METTL4: variants seen among roughly 807,000 people sequenced by gnomAD.
METTL4 encodes N(6)-adenine-specific methyltransferase METTL4.
In METTL4, 40 loss-of-function variants were observed where a neutral mutation model predicts 54.0. That is an observed-to-expected ratio of 0.74 (90% CI 0.58 to 0.96). METTL4 has a LOEUF of 0.96. Ranked by LOEUF, METTL4 falls within the 50% of genes least tolerant of loss-of-function variation. METTL4 has a pLI of 0.00. For missense variants in METTL4, 525 were observed against 549.0 expected (o/e 0.96, Z 0.44); for synonymous variants, 169 against 183.8 (o/e 0.92, Z 0.65).
intron 1 of METTL4, among the ~76,000 whole-genome samples, chr18:2,570,705 A>C (rs938683174): frequency 6.6e-6 from 1 of 152,154 alleles, no homozygotes; most frequent in African/African-American, 2.4e-5. Flanking sequence ...GAGAGCTAGA[A>C]ATTCAGACGG....
chr18:2,559,321 C>A (rs2072281640), intron 3 of METTL4, among the ~76,000 whole-genome samples: 1 of 152,028 alleles, frequency 6.6e-6, no homozygotes, highest in Non-Finnish European at 1.5e-5. Flanking sequence ...CATGGATGAA[C>A]CTTGAAGACA....
intron 5 of METTL4, 53 bp downstream of exon 5, chr18:2,552,642 T>G (rs2072179195): frequency 6.1e-6 from 7 of 1,143,860 alleles, no homozygotes; most frequent in Non-Finnish European, 9.1e-6. Flanking sequence ...TAAACTATAA[T>G]GTACAAAGGA....
At chr18:2,560,801 C>A (rs948101022) in intron 3 of METTL4, among the ~76,000 whole-genome samples, 1 of 152,040 alleles carries the variant, frequency 6.6e-6, no homozygotes, top group African/African-American at 2.4e-5. Flanking sequence ...ATGGCATGAA[C>A]CCAGGAGGCA....
chr18:2,569,521 T>TA (rs1194009229), intron 1 of METTL4, among the ~76,000 whole-genome samples: 9 of 140,562 alleles, frequency 6.4e-5, no homozygotes. Flanking sequence ...AACAGCCCTC[T>TA]AGCCTGGGAG....
At chr18:2,540,795 C>T in intron 8 of METTL4, 1 of 985,400 alleles carries the variant, frequency 1.0e-6, no homozygotes. Flanking sequence ...TCAGGTTACG[C>T]TGAAGAAAGG....
At chr18:2,540,176 C>G in intron 8 of METTL4, 1 of 985,170 alleles carries the variant, frequency 1.0e-6, no homozygotes. Context: ...AAAAGAAGAA[C>G]ACAGAAACTT....
chr18:2,567,729 G>C (rs1249486758), intron 1 of METTL4, 75 bp from the exon 2 acceptor site: 2 of 152,264 alleles, frequency 1.3e-5, no homozygotes, highest in Non-Finnish European at 2.9e-5. Context: ...CTAGAGAGGG[G>C]CATAGAATTT....
At position 2,537,765 on chromosome 18, in the gene METTL4, T is replaced by C; in HGVS notation, c.*1235A>G. ...TAAATATTTGTCAACAATCTGTAAA[T>C]AGTATAAATGCTTTTCTCAAAATGC... On this transcript the variant is annotated 3_prime_UTR_variant, in exon 9 of 9. Coordinates refer to ENST00000574538, the MANE Select transcript of METTL4 (RefSeq NM_022840.5). 2.5e-6 allele frequency: 1 copy of C among 397,660 alleles called. No homozygotes were observed. The allele number at this position is 397,660 out of a possible 1,614,324, so 24.6% of individuals were successfully genotyped here.
chr18:2,558,139 T>C (rs2072265106), intron 3 of METTL4, among the ~76,000 whole-genome samples: 1 of 152,280 alleles, frequency 6.6e-6, no homozygotes, highest in African/African-American at 2.4e-5. Context: ...TAACAATTTT[T>C]GGAAAGAATA....
chr18:2,561,192 T>C (rs1458686781), intron 3 of METTL4: 1 of 152,210 alleles, frequency 6.6e-6, no homozygotes, highest in Non-Finnish European at 1.5e-5. Context: ...ATGTTTATTA[T>C]GCACACAAAT....
In METTL4 at chr18:2,570,247, T is replaced by C. The variant is rs575512234; in HGVS notation, c.-439+902A>G. ...GTGCCTACTTTGGTTTTGGTGCTGC[T>C]GCTTCTCAAGATCCTCAGCAGGGAT... On this transcript the variant is annotated intron_variant, in intron 1 of 8. Coordinates refer to ENST00000574538, the MANE Select transcript of METTL4 (RefSeq NM_022840.5). 4.6e-5 allele frequency among the ~76,000 whole-genome samples: 7 copies of C among 152,340 alleles called. No homozygotes were observed. The East Asian group carries it at 1.4e-3, about 29-fold the overall frequency.
chr18:2,544,829 A>C, intron 6 of METTL4, 70 bp from the exon 7 acceptor site: 2 of 940,906 alleles, frequency 2.1e-6, no homozygotes, highest in Non-Finnish European at 3.3e-6. Flanking sequence ...ACACACACAA[A>C]AGAAATTAAA....
At chr18:2,559,178 A>G (rs549987337) in intron 3 of METTL4, among the ~76,000 whole-genome samples, 1 of 152,364 alleles carries the variant, frequency 6.6e-6, no homozygotes, top group Admixed American at 6.5e-5. Flanking sequence ...TCTTCAGAGA[A>G]GCATTATTCA....
chr18:2,542,697 T>A (rs751933200), intron 8 of METTL4, among the ~76,000 whole-genome samples: 6 of 151,956 alleles, frequency 3.9e-5, no homozygotes, highest in Non-Finnish European at 8.8e-5. Flanking sequence ...TTCACTTGAG[T>A]TATATATTAA....
intron 3 of METTL4, among the ~76,000 whole-genome samples, chr18:2,559,732 CTGTTTTT>C (rs1183833815): frequency 6.6e-6 from 1 of 152,104 alleles, no homozygotes; most frequent in Non-Finnish European, 1.5e-5. Context: ...GAACACATTT[CTGTTTTT>C]TGTTTTTTAT....
At chr18:2,567,890 A>G (rs1012900019) in intron 1 of METTL4, among the ~76,000 whole-genome samples, 1 of 152,228 alleles carries the variant, frequency 6.6e-6, no homozygotes, top group Non-Finnish European at 1.5e-5. Flanking sequence ...AGTCAGAGAA[A>G]ATGCAATTTT....
At chr18:2,542,591 T>G (rs536465575) in intron 8 of METTL4, among the ~76,000 whole-genome samples, 1 of 152,172 alleles carries the variant, frequency 6.6e-6, no homozygotes, top group African/African-American at 2.4e-5. Flanking sequence ...AAGTGATAAA[T>G]AAAATTCAAA....
At chr18:2,539,181 T>C (rs1280130016) in intron 8 of METTL4, 36 bp from the exon 9 acceptor site, 2 of 1,542,258 alleles carry the variant, frequency 1.3e-6, no homozygotes, top group African/African-American at 1.4e-5. Flanking sequence ...AAAATTATTA[T>C]TGAGGAAGGA....
intron 4 of METTL4, chr18:2,554,374 A>T (rs1229319834): frequency 2.1e-5 from 2 of 95,722 alleles, no homozygotes; most frequent in East Asian, 2.0e-4. Context: ...AAAAAAGTTA[A>T]AAAAAAAAGT....
Sources: gnomAD v4.1 joint callset for allele counts (sites outside exome capture counted in the v4.1 genomes callset) on GRCh38, gnomAD v4.1.1 for gene constraint, MANE v1.5 for transcripts, NCBI Gene and HGNC (gene_info 2026-07-23, HGNC 2026-07-21) for gene names.